The following KCNK9 variants were observed in gnomAD, a reference collection of about 807,000 sequenced individuals.
The protein encoded by KCNK9 is potassium channel subfamily K member 9.
In KCNK9, 1 loss-of-function variant was observed where a neutral mutation model predicts 10.8. The ratio of observed to expected loss-of-function variants is 0.09; its 90% CI spans 0.03 to 0.44. KCNK9 has a LOEUF of 0.44. KCNK9 is among the 20% of genes least tolerant of loss of function. KCNK9 has a pLI of 0.97. For missense variants in KCNK9, 303 were observed against 515.0 expected (o/e 0.59, Z 3.98); for synonymous variants, 231 against 222.7 (o/e 1.04, Z -0.33).
At chr8:139,698,909 C>T (rs1285873380) in intron 1 of KCNK9, among the ~76,000 whole-genome samples, 1 of 152,198 alleles carries the variant, frequency 6.6e-6, no homozygotes, top group Non-Finnish European at 1.5e-5. Context: ...CCTCCAGGGA[C>T]CCCAAAGCTG....
At chr8:139,609,353 G>A (rs1385283083), downstream of KCNK9, among the ~76,000 whole-genome samples, 1 of 150,946 alleles carries the variant, frequency 6.6e-6, no homozygotes, top group Non-Finnish European at 1.5e-5. Flanking sequence ...TTGGGCCCCA[G>A]CTGAGCTAAG....
intron 1 of KCNK9, among the ~76,000 whole-genome samples, chr8:139,675,747 C>T (rs1275330978): frequency 6.6e-6 from 1 of 151,544 alleles, no homozygotes; most frequent in Non-Finnish European, 1.5e-5. Context: ...GCTTATGTGT[C>T]CCCCACCCTC....
At chr8:139,689,496 C>A (rs1365340762) in intron 1 of KCNK9, among the ~76,000 whole-genome samples, 2 of 152,176 alleles carry the variant, frequency 1.3e-5, no homozygotes, top group Admixed American at 6.5e-5. Flanking sequence ...TCATTGTGGG[C>A]AGGATGTATT....
chr8:139,649,530 C>T (rs1374286744), intron 1 of KCNK9, among the ~76,000 whole-genome samples: 2 of 152,186 alleles, frequency 1.3e-5, no homozygotes, highest in Non-Finnish European at 2.9e-5. Context: ...TTACCACCCA[C>T]CCCTGAGATA....
At chr8:139,628,148 A>AG (rs1466601862) in intron 1 of KCNK9, among the ~76,000 whole-genome samples, 1 of 152,196 alleles carries the variant, frequency 6.6e-6, no homozygotes, top group African/African-American at 2.4e-5. Context: ...CTGGGGTTGT[A>AG]GGGGAGGAGG....
downstream of KCNK9, among the ~76,000 whole-genome samples, chr8:139,613,886 A>G (rs533651292): frequency 4.0e-4 from 61 of 152,338 alleles, no homozygotes; most frequent in African/African-American, 1.5e-3. Flanking sequence ...ACAAAGCCAC[A>G]GTTTGCCAGA....
chr8:139,676,849 G>C (rs1157635086), intron 1 of KCNK9, among the ~76,000 whole-genome samples: 1 of 152,214 alleles, frequency 6.6e-6, no homozygotes, highest in Admixed American at 6.5e-5. Context: ...CTATTTGGGA[G>C]GCTGAGGCAC....
chr8:139,630,165 T>C (rs527793677), intron 1 of KCNK9, among the ~76,000 whole-genome samples: 125 of 152,266 alleles, frequency 8.2e-4, no homozygotes, highest in Non-Finnish European at 1.4e-3. Context: ...TTGCACTAAA[T>C]TGTACACTGA....
downstream of KCNK9, among the ~76,000 whole-genome samples, chr8:139,612,907 A>G (rs1213462561): frequency 6.6e-6 from 1 of 152,178 alleles, no homozygotes; most frequent in African/African-American, 2.4e-5. Context: ...CAACATTGTG[A>G]AGACAGAAAT....
At chr8:139,644,820 T>C (rs1048014498) in intron 1 of KCNK9, among the ~76,000 whole-genome samples, 1 of 149,218 alleles carries the variant, frequency 6.7e-6, no homozygotes, top group South Asian at 2.1e-4. Context: ...CCACCTCCGC[T>C]GGGCCCCGGC....
downstream of KCNK9, among the ~76,000 whole-genome samples, chr8:139,609,413 G>A (rs769150766): frequency 4.0e-4 from 61 of 152,366 alleles, no homozygotes; most frequent in Non-Finnish European, 6.6e-4. Context: ...TCAGAAGGGG[G>A]TAGGGGGACA....
At chr8:139,678,908 T>C (rs920168165) in intron 1 of KCNK9, among the ~76,000 whole-genome samples, 5 of 152,092 alleles carry the variant, frequency 3.3e-5, no homozygotes, top group Non-Finnish European at 7.4e-5. Flanking sequence ...AATCCAGCTT[T>C]TACATCTACA....
chr8:139,632,627 C>T (rs527799891), intron 1 of KCNK9, among the ~76,000 whole-genome samples: 35 of 152,238 alleles, frequency 2.3e-4, no homozygotes, highest in African/African-American at 8.2e-4. Context: ...CTCTCTCTGA[C>T]CTTCTGTTTC....
downstream of KCNK9, among the ~76,000 whole-genome samples, chr8:139,614,282 C>T (rs1418243785): frequency 2.0e-5 from 3 of 152,210 alleles, no homozygotes; most frequent in African/African-American, 7.2e-5. Flanking sequence ...AACAGGTGAG[C>T]TGAGATTCAT....
At chr8:139,696,621 G>A (rs1483499006) in intron 1 of KCNK9, among the ~76,000 whole-genome samples, 1 of 152,132 alleles carries the variant, frequency 6.6e-6, no homozygotes, top group Non-Finnish European at 1.5e-5. Flanking sequence ...AGGACCCACT[G>A]AGTACACAGA....
chr8:139,696,734 G>A (rs1327646835), intron 1 of KCNK9, among the ~76,000 whole-genome samples: 3 of 150,698 alleles, frequency 2.0e-5, no homozygotes, highest in African/African-American at 7.4e-5. Flanking sequence ...TGGGTGAATA[G>A]ATGAGTGGGT....
chr8:139,642,324 G>A (rs28674003), intron 1 of KCNK9, among the ~76,000 whole-genome samples: 6,413 of 152,244 alleles, frequency 0.042, 503 homozygotes, highest in East Asian at 0.37. Flanking sequence ...GTCGTTGCAC[G>A]AAGACGATTC....
chr8:139,635,185 G>A (rs60806415), intron 1 of KCNK9, among the ~76,000 whole-genome samples: 10,695 of 152,282 alleles, frequency 0.07, 1,148 homozygotes, highest in African/African-American at 0.24. Flanking sequence ...AAATAAATGA[G>A]CAAACAGAAG....
At position 139,680,982 on chromosome 8, in the gene KCNK9, G is replaced by A. The variant is rs565831815; in HGVS notation, c.283+21728C>T. ...AACTTAGAGCTCCAGCTTTGTAACC[G>A]TCTCCTCAAGCACACATGTGGCTTT... is the stretch of plus-strand genomic sequence containing the variant. On this transcript the variant is annotated intron_variant, in intron 1 of 1. Transcript: ENST00000520439. 2.9e-4 allele frequency among the ~76,000 whole-genome samples: 44 copies of A among 152,188 alleles called. No individual in the cohort carries two copies. In the South Asian group the frequency reaches 5.8e-3, roughly 20 times the overall value.
Sources: gnomAD v4.1 joint callset for allele counts (sites outside exome capture counted in the v4.1 genomes callset) on GRCh38, gnomAD v4.1.1 for gene constraint, MANE v1.5 for transcripts, NCBI Gene and HGNC (gene_info 2026-07-23, HGNC 2026-07-21) for gene names.